The following AIG1 variants were observed in gnomAD, a reference collection of about 807,000 sequenced individuals.
The protein encoded by AIG1 is androgen-induced gene 1 protein.
In AIG1, 23 loss-of-function variants were observed where a neutral mutation model predicts 31.4. The ratio of observed to expected loss-of-function variants is 0.73; its 90% CI spans 0.53 to 1.04. AIG1 has a LOEUF of 1.04. AIG1 is among the 50% of genes least tolerant of loss of function. The pLI is 0.00. For missense variants in AIG1, 274 were observed against 295.0 expected, an observed-to-expected ratio of 0.93 and a Z score of 0.52; for synonymous variants, 100 against 110.5, an observed-to-expected ratio of 0.90 and a Z score of 0.60.
rs962333842 is a variant in AIG1 at position 143,330,632 on chromosome 6, G to A, written c.516-2650G>A. On this transcript the variant is annotated intron_variant, in intron 4 of 5. Coordinates refer to ENST00000357847, the MANE Select transcript of AIG1 (RefSeq NM_016108.4). This position sits in a 1 kb window ranked among gnomAD's most constrained non-coding sequence, Gnocchi z 4.4. ...CTGAGTGGGAGAGGAAGCAAGTTTT[G>A]AGCAGAATAGTGGCATGGCCTGACT... Among the ~76,000 whole-genome samples the A allele has an allele frequency of 5.9e-5, 9 of 152,258 alleles. No individual in the cohort carries two copies. The highest frequency in any genetic ancestry group is 5.2e-4 in the Admixed American group (8 of 15,296).
chr6:143,150,758 T>G (rs990771350), intron 2 of AIG1, among the ~76,000 whole-genome samples: 2 of 152,140 alleles, frequency 1.3e-5, no homozygotes, highest in Admixed American at 1.3e-4. Flanking sequence ...CCACATGAAG[T>G]AGATTTACAT....
intron 4 of AIG1, among the ~76,000 whole-genome samples, chr6:143,303,541 T>C (rs1798992636): frequency 6.6e-6 from 1 of 152,344 alleles, no homozygotes; most frequent in Admixed American, 6.5e-5. Flanking sequence ...GTTGTAGATA[T>C]GTGGCATTAT....
At chr6:143,224,824 T>C (rs538485138) in intron 3 of AIG1, among the ~76,000 whole-genome samples, 1 of 152,294 alleles carries the variant, frequency 6.6e-6, no homozygotes, top group East Asian at 1.9e-4. Context: ...ATTAAGACCA[T>C]TGTAATGTTC....
At chr6:143,131,859 GT>G (rs1208937329) in intron 1 of AIG1, among the ~76,000 whole-genome samples, 1 of 152,190 alleles carries the variant, frequency 6.6e-6, no homozygotes, top group Non-Finnish European at 1.5e-5. Context: ...TATTGGTGGT[GT>G]TTTAGCTGCT....
chr6:143,152,099 G>A (rs768942611), intron 2 of AIG1, among the ~76,000 whole-genome samples: 11 of 152,144 alleles, frequency 7.2e-5, no homozygotes, highest in Admixed American at 3.3e-4. Flanking sequence ...CACTGTTACA[G>A]TAGTATTCTG....
At chr6:143,192,216 C>T (rs1300513906) in intron 3 of AIG1, among the ~76,000 whole-genome samples, 1 of 152,200 alleles carries the variant, frequency 6.6e-6, no homozygotes, top group Non-Finnish European at 1.5e-5. Context: ...GCCATTCTCT[C>T]GGGAGGGCCT....
intron 3 of AIG1, among the ~76,000 whole-genome samples, chr6:143,173,222 A>G (rs762747381): frequency 6.6e-6 from 1 of 151,994 alleles, no homozygotes; most frequent in Non-Finnish European, 1.5e-5. Flanking sequence ...CACCTGTCTA[A>G]TTTGTGTATT....
In AIG1 at chr6:143,326,201, G is replaced by A. The variant is rs1008523509; in HGVS notation, c.516-7081G>A. On this transcript the variant is annotated intron_variant, in intron 4 of 5. Coordinates refer to ENST00000357847, the MANE Select transcript of AIG1 (RefSeq NM_016108.4). This position sits in a 1 kb window ranked among gnomAD's most constrained non-coding sequence, Gnocchi z 4.5. ...TCAAAGACTTTATATTTGCACACTA[G>A]GACGGAGTCTACAATTCTTACCATG... Among the ~76,000 whole-genome samples, 41 of 152,144 alleles carry A rather than the reference G, an allele frequency of 2.7e-4. No individual in the cohort carries two copies. The highest frequency in any genetic ancestry group is 9.9e-4 in the African/African-American group (41 of 41,412).
At chr6:143,077,582 G>A (rs1777848283) in intron 1 of AIG1, among the ~76,000 whole-genome samples, 1 of 152,140 alleles carries the variant, frequency 6.6e-6, no homozygotes, top group African/African-American at 2.4e-5. Context: ...GCTCTTAAAG[G>A]CATATGTTGT....
chr6:143,223,733 T>C (rs1371670436), intron 3 of AIG1, among the ~76,000 whole-genome samples: 2 of 152,222 alleles, frequency 1.3e-5, no homozygotes, highest in African/African-American at 4.8e-5. Flanking sequence ...CACTTGAAGT[T>C]CCTCTATGAT....
Position 143,136,921 on chromosome 6 carries a change from G to A in AIG1, c.228G>A (p.Glu76=). The part of the protein sequence containing the change: ...LTRGSGNQEQ[E]RQLKKLISLR... Reference sequence around the variant, plus strand: ...GAGGAAGTGGGAACCAGGAGCAAGAGAGGCAGCTCAAGAAGCTCATCTCTC... The same window carrying A: ...GAGGAAGTGGGAACCAGGAGCAAGAAAGGCAGCTCAAGAAGCTCATCTCTC... The change falls in exon 2 of 6, where the codon GAG becomes GAA. Residue 76 remains glutamate (E), a synonymous_variant. Coordinates refer to ENST00000357847, the MANE Select transcript of AIG1 (RefSeq NM_016108.4). 3 of 1,535,316 alleles carry A rather than the reference G, an allele frequency of 2.0e-6. No homozygotes were observed. Among genetic ancestry groups the A allele is most frequent in the South Asian group, 1.2e-5 (1 of 80,354 alleles).
chr6:143,271,190 GAAA>G (rs1010199456), intron 3 of AIG1, among the ~76,000 whole-genome samples: 3 of 152,190 alleles, frequency 2.0e-5, no homozygotes, highest in Admixed American at 2.0e-4. Flanking sequence ...CTTAGTCACT[GAAA>G]AATACATGCC....
At chr6:143,201,817 A>G (rs1429459183) in intron 3 of AIG1, among the ~76,000 whole-genome samples, 1 of 152,202 alleles carries the variant, frequency 6.6e-6, no homozygotes, top group Non-Finnish European at 1.5e-5. Context: ...GAAAGGCACA[A>G]TGATTTGGTG....
chr6:143,067,785 A>G (rs756705277), intron 1 of AIG1, among the ~76,000 whole-genome samples: 18 of 152,126 alleles, frequency 1.2e-4, no homozygotes, highest in Non-Finnish European at 2.4e-4. Context: ...GTACTCAGGG[A>G]ACAAAATTAG....
intron 3 of AIG1, among the ~76,000 whole-genome samples, chr6:143,241,651 T>C (rs2128639606): frequency 6.6e-6 from 1 of 152,318 alleles, no homozygotes; most frequent in East Asian, 1.9e-4. Flanking sequence ...GAAAACCCTG[T>C]GGGTGGGTTC....
At chr6:143,246,073 G>A (rs751207956) in intron 3 of AIG1, among the ~76,000 whole-genome samples, 1 of 152,074 alleles carries the variant, frequency 6.6e-6, no homozygotes, top group Admixed American at 6.6e-5. Flanking sequence ...ATTCGCTTTG[G>A]GTCACATTCA....
chr6:143,171,494 T>A (rs1413578234), intron 3 of AIG1, among the ~76,000 whole-genome samples: 22 of 122,486 alleles, frequency 1.8e-4, no homozygotes, highest in Admixed American at 5.7e-4. Flanking sequence ...ATTAAATATA[T>A]AATATATATT....
chr6:143,325,668 A>G lies in AIG1; in HGVS notation c.516-7614A>G, dbSNP rs936340623. Among the ~76,000 whole-genome samples, 2 of 152,338 alleles carry G rather than the reference A, an allele frequency of 1.3e-5. No individual in the cohort carries two copies. Among genetic ancestry groups the G allele is most frequent in the African/African-American group, 4.8e-5 (2 of 41,576 alleles). On this transcript the variant is annotated intron_variant, in intron 4 of 5. Coordinates refer to ENST00000357847, the MANE Select transcript of AIG1 (RefSeq NM_016108.4). This position sits in a 1 kb window ranked among gnomAD's most constrained non-coding sequence, Gnocchi z 4.3. Reference sequence around the variant, plus strand: ...AATCAATCACCATGTTGTCTTAACTATATTTGTTAAATCAGTGCCTGTCAA... The same window carrying G: ...AATCAATCACCATGTTGTCTTAACTGTATTTGTTAAATCAGTGCCTGTCAA...
chr6:143,140,243 C>T (rs527865314), intron 2 of AIG1, among the ~76,000 whole-genome samples: 1 of 152,304 alleles, frequency 6.6e-6, no homozygotes, highest in African/African-American at 2.4e-5. Context: ...CTGGGTCCCT[C>T]CCACGACACA....
Sources: gnomAD v4.1 joint callset for allele counts (sites outside exome capture counted in the v4.1 genomes callset) on GRCh38, gnomAD v4.1.1 for gene constraint, Gnocchi (gnomAD v3.1) non-coding constraint, MANE v1.5 for transcripts, NCBI Gene and HGNC (gene_info 2026-07-23, HGNC 2026-07-21) for gene names.